STUB1: variants seen among roughly 807,000 people sequenced by gnomAD.
The protein encoded by STUB1 is E3 ubiquitin-protein ligase CHIP.
A neutral mutation model predicts 40.3 loss-of-function variants in STUB1; 37 were observed. The ratio of observed to expected loss-of-function variants is 0.92; its 90% CI spans 0.71 to 1.21. STUB1 has a LOEUF of 1.21. STUB1 is among the 50% of genes most tolerant of loss of function. STUB1 has a pLI of 0.00. For missense variants in STUB1, 460 were observed against 421.9 expected, an observed-to-expected ratio of 1.09 and a Z score of -0.79; for synonymous variants, 246 against 171.9, an observed-to-expected ratio of 1.43 and a Z score of -3.37.
chr16:682,245 C>G lies in STUB1; in HGVS notation c.750C>G (p.Ile250Met), dbSNP rs778695083. 2 of 1,612,640 alleles carry G rather than the reference C, an allele frequency of 1.2e-6. No individual in the cohort carries two copies. The highest frequency in any genetic ancestry group is 8.5e-7 in the Non-Finnish European group (1 of 1,179,848). Residue 250 changes from isoleucine (I) to methionine (M), a missense_variant, in exon 6 of 7, where the codon ATC (isoleucine) becomes ATG (methionine). Coordinates refer to ENST00000219548, the MANE Select transcript of STUB1 (RefSeq NM_005861.4). The stretch of plus-strand genomic sequence containing the variant: ...AGCCGTGCATCACGCCCAGTGGCAT[C>G]ACCTACGACCGCAAGGACATCGAGG... ...MREPCITPSGITYDRKDIEEH... is the reference protein window; with the variant it reads ...MREPCITPSGMTYDRKDIEEH...
chr16:682,361 C>A lies in STUB1; in HGVS notation c.787-3C>A. The stretch of plus-strand genomic sequence containing the variant: ...CTGCCCTCTGCCCTTCTTGTCACTG[C>A]AGCGTGTGGGTCATTTTGACCCCGT... On this transcript the variant is annotated splice_region_variant and splice_polypyrimidine_tract_variant and intron_variant, in intron 6 of 6. Transcript: ENST00000219548. 1 of 1,613,178 alleles carries A rather than the reference C, an allele frequency of 6.2e-7. No individual in the cohort carries two copies. Among genetic ancestry groups the A allele is most frequent in the Non-Finnish European group, 8.5e-7 (1 of 1,179,996 alleles).
rs2039725617 is a variant in STUB1, at chr16:682,742, C to T, written c.*253C>T. 1.9e-6 allele frequency: 3 copies of T among 1,591,254 alleles called. No homozygotes were observed. The highest frequency in any genetic ancestry group is 2.7e-5 in the African/African-American group (2 of 74,638). On this transcript the variant is annotated 3_prime_UTR_variant, in exon 7 of 7. Transcript: ENST00000219548. ...CTATCTGTGTAATAAAATCCGTGAG[C>T]ACGAGGTGGGACGTGCTGGTGTGTG...
Position 682,163 on chromosome 16 carries a change from A to G in STUB1, c.670-2A>G. The G allele has an allele frequency of 6.2e-7, 1 of 1,604,364 alleles. No homozygotes were observed. Among genetic ancestry groups the G allele is most frequent in the Non-Finnish European group, 8.5e-7 (1 of 1,172,222 alleles). ...CTCTGACCGTGTGCCCCTGTGCCAC[A>G]GAAGCGAGACATCCCCGACTACCTG... On this transcript the variant is annotated splice_acceptor_variant, in intron 5 of 6. Coordinates refer to ENST00000219548, the MANE Select transcript of STUB1 (RefSeq NM_005861.4). LOFTEE classifies it high-confidence loss of function.
rs997517972 is a variant in STUB1 at position 682,539 on chromosome 16, G to A, written c.*50G>A. 9 of 1,608,868 alleles carry A rather than the reference G, an allele frequency of 5.6e-6. No individual in the cohort carries two copies. The highest frequency in any genetic ancestry group is 2.2e-5 in the East Asian group (1 of 44,832). ...TGGTCCAGGGGAGCCCTGGGCAGAA[G>A]CCCCCGGCCCCTATACATAGTTTAT... is the stretch of plus-strand genomic sequence containing the variant. On this transcript the variant is annotated 3_prime_UTR_variant, in exon 7 of 7. Coordinates refer to ENST00000219548, the MANE Select transcript of STUB1 (RefSeq NM_005861.4).
rs773328355 is a variant in STUB1, at chr16:682,252, G to A, written c.757G>A (p.Asp253Asn). Residue 253 changes from aspartate (D) to asparagine (N), a missense_variant, in exon 6 of 7, where the codon GAC becomes AAC. Transcript: ENST00000219548. ...PCITPSGITY[D>N]RKDIEEHLQR... Reference sequence around the variant, plus strand: ...CATCACGCCCAGTGGCATCACCTACGACCGCAAGGACATCGAGGAGCACCT... The same window carrying A: ...CATCACGCCCAGTGGCATCACCTACAACCGCAAGGACATCGAGGAGCACCT... 6.2e-6 allele frequency: 10 copies of A among 1,611,890 alleles called. No individual in the cohort carries two copies. The highest frequency in any genetic ancestry group is 1.1e-5 in the South Asian group (1 of 90,968).
At position 680,537 on chromosome 16, in the gene STUB1, G is replaced by T; in HGVS notation, c.12G>T (p.Lys4Asn). MKG[K>N]EEKEGGARLG... ...TGCCGCGCGGCGCCATGAAGGGCAA[G>T]GAGGAGAAGGAGGGCGGCGCACGGC... The change falls in exon 1 of 7, where the codon AAG (lysine) becomes AAT (asparagine). Residue 4 changes from lysine to asparagine, a missense_variant. Coordinates refer to ENST00000219548, the MANE Select transcript of STUB1 (RefSeq NM_005861.4). The surrounding 1 kb of genome is among the most constrained non-coding windows in gnomAD (Gnocchi z 4.9). 7.6e-7 allele frequency: 1 copy of T among 1,321,378 alleles called. No homozygotes were observed. 81.9% of individuals were successfully genotyped at this position (1,321,378 alleles called of 1,614,324 possible).
rs1046112 is a variant in STUB1 at position 681,771 on chromosome 16, C to T, written c.525-22C>T. The stretch of plus-strand genomic sequence containing the variant: ...GACATCTGGCCAGGTCCATCTCTGA[C>T]CGGCTCCTGGTCAACCCCCAGGGAG... On this transcript the variant is annotated intron_variant, in intron 3 of 6. Coordinates refer to ENST00000219548, the MANE Select transcript of STUB1 (RefSeq NM_005861.4). 0.034 allele frequency: 53,013 copies of T among 1,579,478 alleles called. 1,187 individuals are homozygous for T. The highest frequency in any genetic ancestry group is 0.1 in the African/African-American group (7,653 of 74,532).
In STUB1 at chr16:682,209, G is replaced by A. The variant is rs183097831; in HGVS notation, c.714G>A (p.Glu238=). Residue 238 remains glutamate (E), a synonymous_variant, in exon 6 of 7, where the codon GAG becomes GAA. Transcript: ENST00000219548. The part of the protein sequence containing the change: ...PDYLCGKISF[E]LMREPCITPS... Reference sequence around the variant, plus strand: ...ACCTGTGTGGCAAGATCAGCTTTGAGCTGATGCGGGAGCCGTGCATCACGC... The same window carrying A: ...ACCTGTGTGGCAAGATCAGCTTTGAACTGATGCGGGAGCCGTGCATCACGC... The A allele has an allele frequency of 3.2e-5, 52 of 1,612,978 alleles. No individual in the cohort carries two copies. The African/African-American group carries it at 6.7e-4, about 21-fold the overall frequency.
chr16:681,616 C>T lies in STUB1; in HGVS notation c.524+13C>T. On this transcript the variant is annotated intron_variant, in intron 3 of 6. Coordinates refer to ENST00000219548, the MANE Select transcript of STUB1 (RefSeq NM_005861.4). Reference sequence around the variant, plus strand: ...CGGAGCGTGAGAGGTGGGACCCTCACCCCAGGCCGCCCTGTCTTGGGATAA... The same window carrying T: ...CGGAGCGTGAGAGGTGGGACCCTCATCCCAGGCCGCCCTGTCTTGGGATAA... 6.3e-7 allele frequency: 1 copy of T among 1,597,880 alleles called. No individual in the cohort carries two copies. The highest frequency in any genetic ancestry group is 8.5e-7 in the Non-Finnish European group (1 of 1,170,324).
In STUB1 at chr16:680,702, G is replaced by T; in HGVS notation, c.159+18G>T. 1.6e-6 allele frequency: 2 copies of T among 1,218,158 alleles called. No individual in the cohort carries two copies. The highest frequency in any genetic ancestry group is 2.1e-6 in the Non-Finnish European group (2 of 973,900). 75.5% of individuals were successfully genotyped at this position (1,218,158 alleles called of 1,614,324 possible). On this transcript the variant is annotated intron_variant, in intron 1 of 6. Transcript: ENST00000219548. This position sits in a 1 kb window ranked among gnomAD's most constrained non-coding sequence, Gnocchi z 4.9. ...GCGCGATCGTGAGTGCGCCCGCGCG[G>T]GGAGGGCGGCGGCGGTGGCACCGGG...
chr16:682,609 C>T lies in STUB1; in HGVS notation c.*120C>T. On this transcript the variant is annotated 3_prime_UTR_variant, in exon 7 of 7. Coordinates refer to ENST00000219548, the MANE Select transcript of STUB1 (RefSeq NM_005861.4). ...GCTTCCCCCAAGTTCTGCTGTTGGA[C>T]TCTGGACTGTTTCCCCTCTCAGCAT... is the stretch of plus-strand genomic sequence containing the variant. 3 of 1,480,162 alleles carry T rather than the reference C, an allele frequency of 2.0e-6. No homozygotes were observed. The highest frequency in any genetic ancestry group is 1.2e-5 in the South Asian group (1 of 80,264). 91.7% of individuals were successfully genotyped at this position (1,480,162 alleles called of 1,614,324 possible).
In STUB1 at chr16:681,134, C is replaced by A; in HGVS notation, c.160-18C>A. 6.5e-7 allele frequency: 1 copy of A among 1,545,152 alleles called. No homozygotes were observed. Among genetic ancestry groups the A allele is most frequent in the Non-Finnish European group, 8.7e-7 (1 of 1,143,438 alleles). ...TGAGCCTACGCCCTCATGCGGCTGG[C>A]CCGGCCTTGGTCCCTAGACCCGGAA... On this transcript the variant is annotated intron_variant, in intron 1 of 6. Coordinates refer to ENST00000219548, the MANE Select transcript of STUB1 (RefSeq NM_005861.4).
Position 681,589 on chromosome 16 carries a change from C to G in STUB1, c.510C>G (p.Ala170=). 6.2e-7 allele frequency: 1 copy of G among 1,608,830 alleles called. No homozygotes were observed. The change falls in exon 3 of 7, where the codon GCC becomes GCG. Residue 170 remains alanine (A), a synonymous_variant. Transcript: ENST00000219548. The part of the protein sequence containing the change: ...ELHSYLSRLI[A]AERERELEEC... ...ACTCCTACCTCTCCAGGCTCATTGC[C>G]GCGGAGCGTGAGAGGTGGGACCCTC...
chr16:682,120 G>GC (rs763539454), intron 5 of STUB1, 44 bp downstream of exon 5: 2 of 1,587,810 alleles, frequency 1.3e-6, no homozygotes, highest in African/African-American at 2.7e-5. Context: ...AGGTGCTCGT[G>GC]CAGTGCCCCT....
chr16:680,701 G>A lies in STUB1; in HGVS notation c.159+17G>A, dbSNP rs1279054348. The A allele has an allele frequency of 1.1e-5, 13 of 1,217,704 alleles. No homozygotes were observed. Among genetic ancestry groups the A allele is most frequent in the Non-Finnish European group, 1.2e-5 (12 of 973,740 alleles). 75.4% of individuals were successfully genotyped at this position (1,217,704 alleles called of 1,614,324 possible). The stretch of plus-strand genomic sequence containing the variant: ...CGCGCGATCGTGAGTGCGCCCGCGC[G>A]GGGAGGGCGGCGGCGGTGGCACCGG... On this transcript the variant is annotated intron_variant, in intron 1 of 6. Coordinates refer to ENST00000219548, the MANE Select transcript of STUB1 (RefSeq NM_005861.4). The surrounding 1 kb of genome is among the most constrained non-coding windows in gnomAD (Gnocchi z 4.9).
rs776190994 is a variant in STUB1 at position 681,834 on chromosome 16, A to C, written c.566A>C (p.Asp189Ala). 1 of 1,610,420 alleles carries C rather than the reference A, an allele frequency of 6.2e-7. No individual in the cohort carries two copies. Among genetic ancestry groups the C allele is most frequent in the Non-Finnish European group, 8.5e-7 (1 of 1,178,250 alleles). Residue 189 changes from aspartate to alanine, a missense_variant, in exon 4 of 7, where the codon GAC becomes GCC. Physicochemically the swap from Asp to Ala is moderately radical, Grantham distance 126 (BLOSUM62 -2). Coordinates refer to ENST00000219548, the MANE Select transcript of STUB1 (RefSeq NM_005861.4). ...ECQRNHEGDEDDSHVRAQQAC... is the reference protein window; with the variant it reads ...ECQRNHEGDEADSHVRAQQAC... ...CAGCGAAACCACGAGGGTGATGAGG[A>C]CGACAGCCACGTCCGGGCCCAGCAG...
At chr16:681,394 C>CGG in intron 2 of STUB1, 44 bp downstream of exon 2, 1 of 1,611,128 alleles carries the variant, frequency 6.2e-7, no homozygotes, top group Non-Finnish European at 8.5e-7. Flanking sequence ...TGGGGCCAGG[C>CGG]GGGTGGACTG....
chr16:681,854 C>T lies in STUB1; in HGVS notation c.586C>T (p.Gln196Ter). Residue 196 changes from glutamine (Q) to a stop codon, truncating the protein, a stop_gained, in exon 4 of 7, where the codon CAG (glutamine) becomes TAG (stop). Coordinates refer to ENST00000219548, the MANE Select transcript of STUB1 (RefSeq NM_005861.4). LOFTEE classifies it high-confidence loss of function. ...GDEDDSHVRA[Q>*]QACIEAKHDK... is the part of the protein sequence containing the mutation. ...TGAGGACGACAGCCACGTCCGGGCC[C>T]AGCAGGCCTGCATTGAGGCCAAGCA... 1.9e-6 allele frequency: 3 copies of T among 1,612,330 alleles called. No homozygotes were observed. Among genetic ancestry groups the T allele is most frequent in the Non-Finnish European group, 2.5e-6 (3 of 1,179,580 alleles).
Position 680,852 on chromosome 16 carries a change from C to A in STUB1, c.159+168C>A. The A allele has an allele frequency of 1.6e-6, 1 of 607,586 alleles. No homozygotes were observed. Among genetic ancestry groups the A allele is most frequent in the Non-Finnish European group, 2.3e-6 (1 of 425,814 alleles). 37.6% of individuals were successfully genotyped at this position (607,586 alleles called of 1,614,324 possible). On this transcript the variant is annotated intron_variant, in intron 1 of 6. Coordinates refer to ENST00000219548, the MANE Select transcript of STUB1 (RefSeq NM_005861.4). The surrounding 1 kb of genome is among the most constrained non-coding windows in gnomAD (Gnocchi z 4.9). ...CGCCGGGTGCCGGAGAACGAGGGTGCGATGCTGGATGGAGGCCGGCCGGGT... is the reference window on the plus strand; with the variant it reads ...CGCCGGGTGCCGGAGAACGAGGGTGAGATGCTGGATGGAGGCCGGCCGGGT...
Sources: allele counts gnomAD v4.1 joint callset, GRCh38; gene constraint gnomAD v4.1.1; non-coding constraint Gnocchi (gnomAD v3.1); transcripts MANE v1.5; gene names NCBI Gene and HGNC (gene_info 2026-07-23, HGNC 2026-07-21).